Variants in TBC1D31 observed in about 807,000 individuals in gnomAD.
TBC1D31 encodes WD repeat domain 67.
TBC1D31 carries 99 observed loss-of-function variants against 132.9 expected under a neutral mutation model. That is an observed-to-expected ratio of 0.74 (90% CI 0.63 to 0.88). TBC1D31 has a LOEUF of 0.88. Among genes scored for constraint, TBC1D31 ranks in the 40% least tolerant of loss-of-function variants. The pLI is 0.00. For synonymous variants in TBC1D31, 385 were observed against 419.4 expected (o/e 0.92, Z 1.00); for missense variants, 1,134 against 1,256.6 (o/e 0.90, Z 1.48).
In TBC1D31 at chr8:123,080,505, GCTTTT is replaced by G. The variant is rs71310654; in HGVS notation, c.225-2181_225-2177del. On this transcript the variant is annotated intron_variant, in intron 2 of 21. Transcript: ENST00000287380. The stretch of plus-strand genomic sequence containing the variant: ...GTAAACTTTTAGACAAGAGCAGAGA[GCTTTT>G]CTTTTCTTTTCTTTTATTCTTTTTT... Among the ~76,000 whole-genome samples, 1,023 of 143,338 alleles carry G rather than the reference GCTTTT, an allele frequency of 7.1e-3. 8 individuals carry two copies. Among genetic ancestry groups the G allele is most frequent in the African/African-American group, 0.023 (877 of 38,790 alleles). 94.0% of individuals were successfully genotyped at this position (143,338 alleles called of 152,430 possible). A position where few individuals can be genotyped will look rare whatever the true frequency, so the allele number is the denominator to read the frequency against.
At position 123,073,681 on chromosome 8, in the gene TBC1D31, T is replaced by TTTTCTTTGAGACGG. The variant is rs1385405274; in HGVS notation, c.77+835_77+836insTTTCTTTGAGACGG. Among the ~76,000 whole-genome samples, 121 of 152,290 alleles carry TTTTCTTTGAGACGG rather than the reference T, an allele frequency of 7.9e-4. 1 individual carries two copies. Among genetic ancestry groups the TTTTCTTTGAGACGG allele is most frequent in the African/African-American group, 2.9e-3 (120 of 41,574 alleles). On this transcript the variant is annotated intron_variant, in intron 1 of 21. Transcript: ENST00000287380. ...TCCTGTTTCAGTGTGTTTCTTGTTC[T>TTTTCTTTGAGACGG]AGCAGTGATTTTTCTTTTCTTTGAG...
chr8:123,102,411 A>G, intron 7 of TBC1D31: 1 of 359,864 alleles, frequency 2.8e-6, no homozygotes, highest in Non-Finnish European at 5.4e-6. Flanking sequence ...TTTATCTTTT[A>G]AAAAATTATA....
chr8:123,128,844 C>A lies in TBC1D31; in HGVS notation c.2118-222C>A, dbSNP rs139316549. Among the ~76,000 whole-genome samples, 835 of 151,800 alleles carry A rather than the reference C, an allele frequency of 5.5e-3. 8 individuals are homozygous for A. Among genetic ancestry groups the A allele is most frequent in the African/African-American group, 0.019 (786 of 41,348 alleles). On this transcript the variant is annotated intron_variant, in intron 14 of 21. Coordinates refer to ENST00000287380, the MANE Select transcript of TBC1D31 (RefSeq NM_145647.4). ...TGAGCGGAGATCATGCCATTGCACTCCAGCCTGGGCGACAGAGTGAGACTT... is the reference window on the plus strand; with the variant it reads ...TGAGCGGAGATCATGCCATTGCACTACAGCCTGGGCGACAGAGTGAGACTT...
rs189700224 is a variant in TBC1D31, at chr8:123,106,423, G to A, written c.1209+959G>A. Among the ~76,000 whole-genome samples the A allele has an allele frequency of 7.4e-3, 1,133 of 152,258 alleles. 14 individuals carry two copies. The highest frequency in any genetic ancestry group is 0.026 in the African/African-American group (1,062 of 41,520). ...TAAAAAACTTCTGTAGAGCACAAAA[G>A]TACTGATACTGACATATTGTCAGAA... is the stretch of plus-strand genomic sequence containing the variant. On this transcript the variant is annotated intron_variant, in intron 8 of 21. Transcript: ENST00000287380.
rs546928558 is a variant in TBC1D31, at chr8:123,084,478, G to T, written c.519+138G>T. 1.1e-5 allele frequency: 9 copies of T among 790,080 alleles called. No homozygotes were observed. The South Asian group carries it at 1.9e-4, about 16-fold the overall frequency. The allele number at this position is 790,080 out of a possible 1,614,324, so 48.9% of individuals were successfully genotyped here. On this transcript the variant is annotated intron_variant, in intron 4 of 21. Transcript: ENST00000287380. ...ACTCAGCAACAAGCAAAGCAAAGTG[G>T]CCAACACAAAGATGTTGCCTATAGC...
At chr8:123,136,678 T>C (rs182397470) in intron 17 of TBC1D31, among the ~76,000 whole-genome samples, 253 of 152,288 alleles carry the variant, frequency 1.7e-3, no homozygotes, top group African/African-American at 5.6e-3. Context: ...TTCAAACTCC[T>C]GACCTCAGGT....
intron 5 of TBC1D31, among the ~76,000 whole-genome samples, chr8:123,095,051 C>T (rs1816720202): frequency 2.0e-5 from 3 of 151,882 alleles, no homozygotes; most frequent in Admixed American, 2.0e-4. Flanking sequence ...GGTCATTTCT[C>T]CTCTAGAGTT....
At position 123,134,005 on chromosome 8, in the gene TBC1D31, G is replaced by A. The variant is rs956869039; in HGVS notation, c.2407-109G>A. On this transcript the variant is annotated intron_variant, in intron 16 of 21. Coordinates refer to ENST00000287380, the MANE Select transcript of TBC1D31 (RefSeq NM_145647.4). Reference sequence around the variant, plus strand: ...CTCTGGTTTCAAAAACCCAGTTGCTGTTATTTTAAATACTGTTAGTAGGTC... The same window carrying A: ...CTCTGGTTTCAAAAACCCAGTTGCTATTATTTTAAATACTGTTAGTAGGTC... 8.3e-6 allele frequency: 6 copies of A among 724,402 alleles called. No homozygotes were observed. In the African/African-American group the frequency reaches 1.1e-4, roughly 13 times the overall value. The allele number at this position is 724,402 out of a possible 1,614,324, so 44.9% of individuals were successfully genotyped here.
chr8:123,110,927 T>G (rs927173892), intron 10 of TBC1D31, among the ~76,000 whole-genome samples: 2 of 152,250 alleles, frequency 1.3e-5, no homozygotes, highest in African/African-American at 4.8e-5. Flanking sequence ...ACCTCTTTTT[T>G]TCTTACAATT....
intron 17 of TBC1D31, among the ~76,000 whole-genome samples, chr8:123,134,528 C>CA (rs559019341): frequency 1.2e-3 from 179 of 144,846 alleles, no homozygotes; most frequent in Non-Finnish European, 1.8e-3. Flanking sequence ...ACCCTATCTC[C>CA]AAAAAAAAAA....
At chr8:123,126,244 G>C in intron 12 of TBC1D31, 55 bp downstream of exon 12, 1 of 1,565,554 alleles carries the variant, frequency 6.4e-7, no homozygotes, top group Non-Finnish European at 8.6e-7. Context: ...GCTAACATTG[G>C]TTCTGGTATA....
the TBC1D31 span, among the ~76,000 whole-genome samples, chr8:123,160,683 G>A: frequency 5.3e-5 from 8 of 152,262 alleles, no homozygotes; most frequent in South Asian, 1.7e-3. Context: ...GGGACACACC[G>A]CGCCACTAGC....
intron 1 of TBC1D31, chr8:123,073,270 G>T (rs1814100089): frequency 2.2e-6 from 1 of 462,942 alleles, no homozygotes; most frequent in Non-Finnish European, 4.3e-6. Flanking sequence ...TCTTCCAAAG[G>T]CTGCAGTTTA....
rs1822560560 is a variant in TBC1D31 at position 123,149,353 on chromosome 8, T to C, written c.2975-683T>C. On this transcript the variant is annotated intron_variant, in intron 20 of 21. Transcript: ENST00000287380. ...TCAGAGAGGTAAAAGGCAGACATCT[T>C]ACCGATTTAATGAGACTCCCAGCAT... Among the ~76,000 whole-genome samples the C allele has an allele frequency of 2.0e-5, 3 of 152,294 alleles. 1 individual carries two copies. In the South Asian group the frequency reaches 6.2e-4, roughly 32 times the overall value.
chr8:123,096,741 T>C (rs1816876482), intron 5 of TBC1D31, among the ~76,000 whole-genome samples: 1 of 152,256 alleles, frequency 6.6e-6, no homozygotes, highest in African/African-American at 2.4e-5. Context: ...GTAAGTCCTT[T>C]ACAAGTTCTT....
At chr8:123,151,581 A>G (rs1322415772) in intron 21 of TBC1D31, among the ~76,000 whole-genome samples, 4 of 152,334 alleles carry the variant, frequency 2.6e-5, no homozygotes, top group South Asian at 2.1e-4. Context: ...TTGTATCCCA[A>G]GTATTTCAAA....
chr8:123,138,903 G>A (rs903467705), intron 17 of TBC1D31, among the ~76,000 whole-genome samples: 7 of 151,916 alleles, frequency 4.6e-5, no homozygotes, highest in African/African-American at 1.5e-4. Context: ...TCTGCCTCCC[G>A]GGCTCCTGCA....
downstream of TBC1D31, among the ~76,000 whole-genome samples, chr8:123,156,346 C>G (rs1189313193): frequency 4.7e-5 from 7 of 149,690 alleles, no homozygotes; most frequent in South Asian, 1.3e-3. Flanking sequence ...GAGGTTGAGG[C>G]GGGACAATTG....
chr8:123,129,032 C>T, intron 14 of TBC1D31, 34 bp from the exon 15 acceptor site: 1 of 1,460,486 alleles, frequency 6.8e-7, no homozygotes, highest in Non-Finnish European at 9.2e-7. Context: ...TAGCTTTCTT[C>T]TTTGTGTTTT....
Sources: allele counts gnomAD v4.1 joint callset (sites outside exome capture counted in the v4.1 genomes callset), GRCh38; gene constraint gnomAD v4.1.1; transcripts MANE v1.5; gene names NCBI Gene and HGNC (gene_info 2026-07-23, HGNC 2026-07-21).